The following GLI2 variants were observed in gnomAD, a reference collection of about 807,000 sequenced individuals.
GLI2 encodes the protein transcription activator GLI2.
Under a neutral mutation model 78.9 loss-of-function variants are expected in GLI2, and 22 were observed. The ratio of observed to expected loss-of-function variants is 0.28; its 90% CI spans 0.20 to 0.40. The LOEUF (loss-of-function observed/expected upper bound fraction) is 0.40, where lower values mean the gene tolerates loss of function less well. GLI2 is among the 10% of genes least tolerant of loss of function. The pLI is 1.00. For synonymous variants in GLI2, 974 were observed against 963.7 expected, an observed-to-expected ratio of 1.01 and a Z score of -0.20; for missense variants, 2,097 against 2,213.2, an observed-to-expected ratio of 0.95 and a Z score of 1.05.
intron 1 of GLI2, among the ~76,000 whole-genome samples, chr2:120,755,977 A>T (rs1683023982): frequency 6.6e-6 from 1 of 152,160 alleles, no homozygotes; most frequent in African/African-American, 2.4e-5. Context: ...TGGTTATTGT[A>T]GCTTTATAAC....
intron 2 of GLI2, among the ~76,000 whole-genome samples, chr2:120,806,060 C>T (rs112298251): frequency 1.8e-4 from 28 of 152,236 alleles, no homozygotes; most frequent in African/African-American, 2.6e-4. Flanking sequence ...CAGTATGCGC[C>T]GGAGGGAGAA....
chr2:120,848,536 G>T (rs1220492003), intron 2 of GLI2, among the ~76,000 whole-genome samples: 2 of 152,184 alleles, frequency 1.3e-5, no homozygotes, highest in African/African-American at 4.8e-5. Context: ...GTTTTTCATT[G>T]TTCATCCTAT....
chr2:120,990,027 C>T lies in GLI2; in HGVS notation c.4062C>T (p.Pro1354=), dbSNP rs1262071527. The T allele has an allele frequency of 6.2e-7, 1 of 1,606,480 alleles. No homozygotes were observed. Among genetic ancestry groups the T allele is most frequent in the Non-Finnish European group, 8.5e-7 (1 of 1,176,222 alleles). Residue 1354 remains proline (P), a synonymous_variant, in exon 14 of 14, where the codon CCC becomes CCT. Coordinates refer to ENST00000361492, the MANE Select transcript of GLI2 (RefSeq NM_001374353.1). The stretch of plus-strand genomic sequence containing the variant: ...CAGCAGGCTTTGGCCTAGTGCAGCC[C>T]CGGCCTCCCCTCGAGCCCAGCCCCA... ...VATAGFGLVQ[P]RPPLEPSPTG...
intron 2 of GLI2, among the ~76,000 whole-genome samples, chr2:120,879,836 G>A (rs1427460647): frequency 2.0e-5 from 3 of 152,172 alleles, no homozygotes; most frequent in East Asian, 1.9e-4. Context: ...CCCGTCTGCC[G>A]CGGGAGGCGG....
intron 3 of GLI2, among the ~76,000 whole-genome samples, chr2:120,942,400 GTCTCTGTC>G (rs1205247606): frequency 6.6e-6 from 1 of 152,130 alleles, no homozygotes; most frequent in Non-Finnish European, 1.5e-5. Context: ...TTTCCCTGTA[GTCTCTGTC>G]TCCCTGTCGC....
At chr2:120,866,443 G>GA (rs1349571312) in intron 2 of GLI2, 6 of 152,298 alleles carry the variant, frequency 3.9e-5, no homozygotes, top group Non-Finnish European at 8.8e-5. Context: ...CTTAAGGTAA[G>GA]ATCTCCCTTT....
At chr2:120,962,324 C>A (rs538549941) in intron 5 of GLI2, among the ~76,000 whole-genome samples, 1 of 152,204 alleles carries the variant, frequency 6.6e-6, no homozygotes, top group Non-Finnish European at 1.5e-5. Flanking sequence ...TGGCACCTTG[C>A]AAATCCTGCC....
At chr2:120,925,932 G>T (rs1301087097) in intron 2 of GLI2, among the ~76,000 whole-genome samples, 2 of 151,966 alleles carry the variant, frequency 1.3e-5, no homozygotes, top group African/African-American at 2.4e-5. Flanking sequence ...AATTAGCCGG[G>T]CGTGGTGTCG....
intron 1 of GLI2, among the ~76,000 whole-genome samples, chr2:120,777,997 CCAGCTGTGTTGGTGG>C (rs1178855392): frequency 6.6e-6 from 1 of 152,050 alleles, no homozygotes; most frequent in African/African-American, 2.4e-5. Flanking sequence ...CCGGCTAGGC[CCAGCTGTGTTGGTGG>C]CATCAAACAC....
chr2:120,910,894 C>T (rs1005439237), intron 2 of GLI2, among the ~76,000 whole-genome samples: 8 of 152,218 alleles, frequency 5.3e-5, no homozygotes, highest in African/African-American at 1.9e-4. Context: ...TTGGAAAGAC[C>T]ACGAATGAAG....
chr2:120,837,316 C>G (rs1270142803), intron 2 of GLI2, among the ~76,000 whole-genome samples: 1 of 151,276 alleles, frequency 6.6e-6, no homozygotes, highest in African/African-American at 2.4e-5. Context: ...ATGGCGTGAA[C>G]CCAGGAGGCG....
intron 2 of GLI2, among the ~76,000 whole-genome samples, chr2:120,814,204 G>A (rs1352277710): frequency 2.0e-5 from 3 of 152,190 alleles, no homozygotes; most frequent in Non-Finnish European, 2.9e-5. Flanking sequence ...AGTTAACCAC[G>A]GTGCTGGTGG....
intron 1 of GLI2, among the ~76,000 whole-genome samples, chr2:120,796,349 A>G (rs1675130093): frequency 6.6e-6 from 1 of 152,136 alleles, no homozygotes; most frequent in African/African-American, 2.4e-5. Context: ...GGGTCACTGC[A>G]GTAGCCTCCT....
At chr2:120,771,355 C>T (rs1171881932) in intron 1 of GLI2, among the ~76,000 whole-genome samples, 1 of 152,266 alleles carries the variant, frequency 6.6e-6, no homozygotes, top group East Asian at 1.9e-4. Context: ...TTGCTCCTCA[C>T]CAGCTCTGTG....
chr2:120,906,592 C>T (rs1202905312), intron 2 of GLI2, among the ~76,000 whole-genome samples: 3 of 152,106 alleles, frequency 2.0e-5, no homozygotes, highest in Non-Finnish European at 2.9e-5. Context: ...AGCCACCACC[C>T]AATGTCTCCC....
intron 1 of GLI2, among the ~76,000 whole-genome samples, chr2:120,784,675 G>GC (rs1012328885): frequency 6.6e-6 from 1 of 151,932 alleles, no homozygotes; most frequent in Non-Finnish European, 1.5e-5. Context: ...CCTCCTGCTC[G>GC]CCCCCCAGAC....
At chr2:120,760,340 G>A (rs952720581) in intron 1 of GLI2, among the ~76,000 whole-genome samples, 5 of 152,132 alleles carry the variant, frequency 3.3e-5, no homozygotes, top group African/African-American at 1.2e-4. Flanking sequence ...AGGAGGTCTG[G>A]GGCCTCCCAG....
intron 1 of GLI2, among the ~76,000 whole-genome samples, chr2:120,751,209 A>G (rs903738700): frequency 2.0e-5 from 3 of 152,142 alleles, no homozygotes; most frequent in Admixed American, 2.0e-4. Context: ...TCTTTACCCC[A>G]ACTTAGGGAT....
At chr2:120,901,464 GGCGGCTTCCGCTGGGCCGGT>G (rs1430269521) in intron 2 of GLI2, among the ~76,000 whole-genome samples, 1 of 152,216 alleles carries the variant, frequency 6.6e-6, no homozygotes, top group Non-Finnish European at 1.5e-5. Flanking sequence ...CTGGTGGAGA[GGCGGCTTCCGCTGGGCCGGT>G]GCTGCTCCGT....
Sources: allele counts gnomAD v4.1 joint callset (sites outside exome capture counted in the v4.1 genomes callset), GRCh38; gene constraint gnomAD v4.1.1; transcripts MANE v1.5; gene names NCBI Gene and HGNC (gene_info 2026-07-23, HGNC 2026-07-21).